Variants in XXYLT1 observed in about 807,000 individuals in gnomAD.
XXYLT1 encodes xyloside xylosyltransferase 1.
XXYLT1 carries 20 observed loss-of-function variants against 28.9 expected under a neutral mutation model. The observed-to-expected ratio is 0.69, with a 90% confidence interval of 0.49 to 1.00. The LOEUF is 1.00. Ranked by LOEUF, XXYLT1 falls within the 50% of genes least tolerant of loss-of-function variation. The pLI, the probability that XXYLT1 is intolerant of heterozygous loss-of-function variation, is 0.00. For synonymous variants in XXYLT1, 257 were observed against 253.8 expected (o/e 1.01, Z -0.12); for missense variants, 542 against 560.1 (o/e 0.97, Z 0.33).
chr3:195,228,486 C>CTTTTTTT (rs897820464), intron 1 of XXYLT1, among the ~76,000 whole-genome samples: 3 of 120,180 alleles, frequency 2.5e-5, no homozygotes, highest in Non-Finnish European at 3.4e-5. Context: ...CTATATTTCA[C>CTTTTTTT]TTTTTTTTTT....
chr3:195,184,770 G>C (rs1722103998), intron 2 of XXYLT1: 1 of 985,238 alleles, frequency 1.0e-6, no homozygotes, highest in Non-Finnish European at 1.2e-6. Context: ...AGGGAACTTA[G>C]CATTCTGAAA....
chr3:195,106,046 T>C (rs550050910), intron 3 of XXYLT1, among the ~76,000 whole-genome samples: 1 of 152,366 alleles, frequency 6.6e-6, no homozygotes, highest in East Asian at 1.9e-4. Flanking sequence ...GTATTGCTTC[T>C]TATGGAAAAA....
At chr3:195,181,034 G>A (rs577735852) in intron 2 of XXYLT1, among the ~76,000 whole-genome samples, 83 of 152,326 alleles carry the variant, frequency 5.4e-4, no homozygotes, top group African/African-American at 1.9e-3. Flanking sequence ...GACAAGGCCG[G>A]AGCATCTGAG....
rs1577030933 is a variant in XXYLT1 at position 195,105,652 on chromosome 3, C to G, written c.786-35541G>C. On this transcript the variant is annotated intron_variant, in intron 3 of 3. Transcript: ENST00000310380. ...CCATCCCTGAATGCTGCAGCCAAGTCTGCGCCTCCGCGTCCACTCACGGGG... is the reference window on the plus strand; with the variant it reads ...CCATCCCTGAATGCTGCAGCCAAGTGTGCGCCTCCGCGTCCACTCACGGGG... 2.0e-5 allele frequency among the ~76,000 whole-genome samples: 3 copies of G among 152,360 alleles called. No homozygotes were observed. In the East Asian group the frequency reaches 5.8e-4, roughly 29 times the overall value.
rs1198649632 is a variant in XXYLT1, at chr3:195,257,971, C to T, written c.504+12584G>A. 6.6e-6 allele frequency among the ~76,000 whole-genome samples: 1 copy of T among 152,142 alleles called. No homozygotes were observed. Among genetic ancestry groups the T allele is most frequent in the East Asian group, 1.9e-4 (1 of 5,184 alleles). ...AATCCTCGACCCTGTGTCTTCCTAC[C>T]CCCTAGACAGCAGGTGGCCAAGGGT... On this transcript the variant is annotated intron_variant, in intron 1 of 3. Coordinates refer to ENST00000310380, the MANE Select transcript of XXYLT1 (RefSeq NM_152531.5). This position sits in a 1 kb window ranked among gnomAD's most constrained non-coding sequence, Gnocchi z 4.3.
At chr3:195,170,633 T>C (rs375537982) in intron 2 of XXYLT1, among the ~76,000 whole-genome samples, 2 of 152,220 alleles carry the variant, frequency 1.3e-5, no homozygotes, top group African/African-American at 4.8e-5. Context: ...TCTTGCCAAG[T>C]ACATCTTGGA....
At chr3:195,163,730 C>T (rs941243006) in intron 2 of XXYLT1, among the ~76,000 whole-genome samples, 1 of 152,200 alleles carries the variant, frequency 6.6e-6, no homozygotes, top group Non-Finnish European at 1.5e-5. Flanking sequence ...GCCACATCCA[C>T]GGAGGGCATG....
At chr3:195,102,247 T>C (rs1000646676) in intron 3 of XXYLT1, among the ~76,000 whole-genome samples, 1 of 152,214 alleles carries the variant, frequency 6.6e-6, no homozygotes, top group Admixed American at 6.5e-5. Context: ...CAAATTAACA[T>C]ATCCATCAAT....
chr3:195,229,900 A>G (rs1385754920), intron 1 of XXYLT1, among the ~76,000 whole-genome samples: 1 of 152,216 alleles, frequency 6.6e-6, no homozygotes, highest in Admixed American at 6.5e-5. Context: ...TTGGGTATAT[A>G]TCTAGCAGTG....
At chr3:195,120,168 G>A (rs1718272928) in intron 3 of XXYLT1, among the ~76,000 whole-genome samples, 1 of 152,176 alleles carries the variant, frequency 6.6e-6, no homozygotes, top group African/African-American at 2.4e-5. Context: ...ACTCAAAGGA[G>A]GGCAGAGCCT....
intron 2 of XXYLT1, among the ~76,000 whole-genome samples, chr3:195,226,211 A>G (rs1053110502): frequency 2.0e-5 from 3 of 152,184 alleles, no homozygotes; most frequent in African/African-American, 7.2e-5. Flanking sequence ...CTGGAGACAG[A>G]CGCCCAGAAA....
chr3:195,069,636 C>A lies in XXYLT1; in HGVS notation c.*79G>T, dbSNP rs1714678648. The A allele has an allele frequency of 6.6e-7, 1 of 1,515,174 alleles. No homozygotes were observed. The highest frequency in any genetic ancestry group is 8.8e-7 in the Non-Finnish European group (1 of 1,135,494). 93.9% of individuals were successfully genotyped at this position (1,515,174 alleles called of 1,614,324 possible). ...TGCGGTGTCTCTCTAGCGGGTCAGA[C>A]ACTGCCCTTGGGTCTGTCCCAAGGA... On this transcript the variant is annotated 3_prime_UTR_variant, in exon 4 of 4. Coordinates refer to ENST00000310380, the MANE Select transcript of XXYLT1 (RefSeq NM_152531.5).
chr3:195,156,295 T>C (rs1720584449), intron 3 of XXYLT1, among the ~76,000 whole-genome samples, 154 bp downstream of exon 3: 1 of 152,078 alleles, frequency 6.6e-6, no homozygotes, highest in Non-Finnish European at 1.5e-5. Context: ...GCCCATACAA[T>C]CAACTGTAAG....
intron 3 of XXYLT1, among the ~76,000 whole-genome samples, chr3:195,155,387 AG>A (rs1720511363): frequency 6.6e-6 from 1 of 152,190 alleles, no homozygotes; most frequent in African/African-American, 2.4e-5. Context: ...GCAAAATCCC[AG>A]CCCTTTCCGA....
chr3:195,077,846 GA>G lies in XXYLT1; in HGVS notation c.786-7736del, dbSNP rs2108643459. Among the ~76,000 whole-genome samples, 1 of 152,190 alleles carries G rather than the reference GA, an allele frequency of 6.6e-6. No individual in the cohort carries two copies. The highest frequency in any genetic ancestry group is 2.1e-4 in the South Asian group (1 of 4,814). ...CCTCAGGATGTGCCATGCCCTTCTC[GA>G]AGGCTTCTCCTGGCCCTCCGCTCCC... On this transcript the variant is annotated intron_variant, in intron 3 of 3. Coordinates refer to ENST00000310380, the MANE Select transcript of XXYLT1 (RefSeq NM_152531.5). This position sits in a 1 kb window ranked among gnomAD's most constrained non-coding sequence, Gnocchi z 4.8.
At chr3:195,231,517 C>T (rs1049272617) in intron 1 of XXYLT1, among the ~76,000 whole-genome samples, 2 of 151,980 alleles carry the variant, frequency 1.3e-5, no homozygotes, top group Admixed American at 1.3e-4. Context: ...TTGCTGTGGG[C>T]CTGTTGCATA....
chr3:195,270,293 G>C (rs62285259), intron 1 of XXYLT1: 196,061 of 783,288 alleles, frequency 0.25, 29,669 homozygotes, highest in East Asian at 0.73. Context: ...ACTCTCCTGG[G>C]GGCTGCGCTT....
At chr3:195,216,678 C>T (rs1351609041) in intron 2 of XXYLT1, among the ~76,000 whole-genome samples, 3 of 147,820 alleles carry the variant, frequency 2.0e-5, no homozygotes, top group Admixed American at 6.7e-5. Context: ...CAATAGCTTA[C>T]CAATCAAAAA....
At chr3:195,198,273 A>T (rs1722710275) in intron 2 of XXYLT1, among the ~76,000 whole-genome samples, 1 of 152,180 alleles carries the variant, frequency 6.6e-6, no homozygotes, top group African/African-American at 2.4e-5. Flanking sequence ...CATAAAAAGG[A>T]TGAGTAACTT....
Sources: gnomAD v4.1 joint callset for allele counts (sites outside exome capture counted in the v4.1 genomes callset) on GRCh38, gnomAD v4.1.1 for gene constraint, Gnocchi (gnomAD v3.1) non-coding constraint, MANE v1.5 for transcripts, NCBI Gene and HGNC (gene_info 2026-07-23, HGNC 2026-07-21) for gene names.